PTCHD4: variants seen among roughly 807,000 people sequenced by gnomAD.
PTCHD4 encodes patched domain-containing protein 4.
PTCHD4 carries 33 observed loss-of-function variants against 58.1 expected under a neutral mutation model. The observed-to-expected ratio is 0.57, with a 90% CI of 0.43 to 0.76. PTCHD4 has a LOEUF of 0.76. Ranked by LOEUF, PTCHD4 falls within the 30% of genes least tolerant of loss-of-function variation. PTCHD4 has a pLI of 0.00. For synonymous variants in PTCHD4, 478 were observed against 409.6 expected, an observed-to-expected ratio of 1.17 and a Z score of -2.02; for missense variants, 1,058 against 1,027.1, an observed-to-expected ratio of 1.03 and a Z score of -0.41.
At chr6:47,922,615 C>T (rs189042712) in intron 4 of PTCHD4, among the ~76,000 whole-genome samples, 1 of 152,224 alleles carries the variant, frequency 6.6e-6, no homozygotes, top group South Asian at 2.1e-4. Flanking sequence ...CAAGTGGAAT[C>T]TGGGCTGGAT....
intron 4 of PTCHD4, among the ~76,000 whole-genome samples, chr6:47,925,214 C>T (rs900591405): frequency 2.0e-5 from 3 of 149,364 alleles, no homozygotes; most frequent in Non-Finnish European, 3.0e-5. Flanking sequence ...TATGTATATG[C>T]TTTTTGTTAC....
chr6:47,988,218 G>A (rs965198926), intron 4 of PTCHD4, among the ~76,000 whole-genome samples: 1 of 152,194 alleles, frequency 6.6e-6, no homozygotes, highest in African/African-American at 2.4e-5. Context: ...CTAAAGCTGT[G>A]ACTAGATTTG....
intron 1 of PTCHD4, among the ~76,000 whole-genome samples, chr6:48,100,203 T>C (rs1427822951): frequency 1.3e-5 from 2 of 152,218 alleles, no homozygotes; most frequent in African/African-American, 4.8e-5. Flanking sequence ...GAACTGCATC[T>C]AGATACTTAA....
At chr6:47,941,855 T>C (rs1766239747) in intron 4 of PTCHD4, among the ~76,000 whole-genome samples, 1 of 152,274 alleles carries the variant, frequency 6.6e-6, no homozygotes, top group South Asian at 2.1e-4. Context: ...TTAAAAGAAA[T>C]ACACATTTTG....
intron 4 of PTCHD4, among the ~76,000 whole-genome samples, chr6:47,964,811 T>G (rs1284974714): frequency 3.9e-5 from 6 of 152,200 alleles, no homozygotes; most frequent in South Asian, 2.1e-4. Flanking sequence ...GTAATTACTT[T>G]GCAATAATTA....
intron 4 of PTCHD4, among the ~76,000 whole-genome samples, chr6:47,995,084 C>T (rs929421324): frequency 2.6e-5 from 4 of 151,966 alleles, no homozygotes; most frequent in African/African-American, 4.8e-5. Context: ...TTCATTTGAC[C>T]TGTTTATTGA....
chr6:48,002,628 A>G (rs1768778464), intron 4 of PTCHD4, among the ~76,000 whole-genome samples: 1 of 149,562 alleles, frequency 6.7e-6, no homozygotes, highest in African/African-American at 2.5e-5. Flanking sequence ...GGTAGGGGGG[A>G]GGGATAGCAT....
rs567797111 is a variant in PTCHD4, at chr6:48,024,736, T to C, written c.418-15622A>G. Among the ~76,000 whole-genome samples, 3 of 152,098 alleles carry C rather than the reference T, an allele frequency of 2.0e-5. No homozygotes were observed. The South Asian group carries it at 6.2e-4, about 32-fold the overall frequency. Reference sequence around the variant, plus strand: ...CCATAGTGGAAAGAGTGCCTGAAGCTTTGTGGCGTTCTCTGCAGGCAAGAT... The same window carrying C: ...CCATAGTGGAAAGAGTGCCTGAAGCCTTGTGGCGTTCTCTGCAGGCAAGAT... On this transcript the variant is annotated intron_variant, in intron 3 of 4. Coordinates refer to ENST00000339488, the MANE Select transcript of PTCHD4 (RefSeq NM_001384253.1).
At chr6:48,030,837 T>G (rs1763412431) in intron 3 of PTCHD4, among the ~76,000 whole-genome samples, 2 of 152,150 alleles carry the variant, frequency 1.3e-5, no homozygotes, top group Admixed American at 1.3e-4. Flanking sequence ...CTATTAATCT[T>G]TGTTTTTCTT....
At position 48,009,000 on chromosome 6, in the gene PTCHD4, T is replaced by A; in HGVS notation, c.532A>T (p.Thr178Ser). The change falls in exon 4 of 5, where the codon ACC (threonine) becomes TCC (serine). Residue 178 changes from threonine to serine, a missense_variant. By Grantham distance (58) the Thr-to-Ser change is moderately conservative. Coordinates refer to ENST00000339488, the MANE Select transcript of PTCHD4 (RefSeq NM_001384253.1). ...AGGTCTTGGGTGGCAGAGCCATAGGTCTGGAGGTAGTAGGTGATTTGAATG... is the reference window on the plus strand; with the variant it reads ...AGGTCTTGGGTGGCAGAGCCATAGGACTGGAGGTAGTAGGTGATTTGAATG... ...RAIQITYYLQ[T>S]YGSATQDLIG... 6.2e-7 allele frequency: 1 copy of A among 1,613,902 alleles called. No homozygotes were observed. The highest frequency in any genetic ancestry group is 8.5e-7 in the Non-Finnish European group (1 of 1,179,864).
Position 47,866,408 on chromosome 6 carries a change from A to G in PTCHD4, c.*11895T>C, listed in dbSNP as rs1403374211. On this transcript the variant is annotated 3_prime_UTR_variant, in exon 5 of 5. Coordinates refer to ENST00000339488, the MANE Select transcript of PTCHD4 (RefSeq NM_001384253.1). ...TTTAAACATCTCTCTAGGTCATTCC[A>G]AAGTACAGCAAATTTTGAGAACCAC... Among the ~76,000 whole-genome samples, 1 of 151,856 alleles carries G rather than the reference A, an allele frequency of 6.6e-6. No individual in the cohort carries two copies. Among genetic ancestry groups the G allele is most frequent in the Non-Finnish European group, 1.5e-5 (1 of 67,856 alleles).
At chr6:47,926,832 T>C (rs1292616376) in intron 4 of PTCHD4, among the ~76,000 whole-genome samples, 1 of 152,224 alleles carries the variant, frequency 6.6e-6, no homozygotes, top group Non-Finnish European at 1.5e-5. Context: ...AAGGTTATAC[T>C]GTATATCTAA....
chr6:47,965,387 T>G (rs1767247513), intron 4 of PTCHD4, among the ~76,000 whole-genome samples: 1 of 152,216 alleles, frequency 6.6e-6, no homozygotes, highest in Admixed American at 6.5e-5. Context: ...CATCTGTGTA[T>G]TTTTTAAAAG....
In PTCHD4 at chr6:47,879,225, C is replaced by T; in HGVS notation, c.1610G>A (p.Arg537Lys). ...WNSSVQDDLR[R>K]LCSGFTAVSW... ...CACTGCAGTGAATCCACTACAGAGT[C>T]TTCTTAGGTCATCCTGGACGCTGCT... is the stretch of plus-strand genomic sequence containing the variant. The change falls in exon 5 of 5, where the codon AGA (arginine) becomes AAA (lysine). Residue 537 changes from arginine (R) to lysine (K), a missense_variant. Coordinates refer to ENST00000339488, the MANE Select transcript of PTCHD4 (RefSeq NM_001384253.1). The T allele has an allele frequency of 1.9e-6, 3 of 1,613,006 alleles. No individual in the cohort carries two copies. Among genetic ancestry groups the T allele is most frequent in the Non-Finnish European group, 2.5e-6 (3 of 1,179,602 alleles).
intron 4 of PTCHD4, among the ~76,000 whole-genome samples, chr6:47,925,639 T>A (rs1765586307): frequency 1.3e-5 from 2 of 152,202 alleles, no homozygotes; most frequent in African/African-American, 2.4e-5. Flanking sequence ...ATCTCACACA[T>A]GACCTGTGAT....
At chr6:48,066,801 GA>G (rs369916772) in intron 3 of PTCHD4, among the ~76,000 whole-genome samples, 24,123 of 132,942 alleles carry the variant, frequency 0.18, 1,962 homozygotes, top group African/African-American at 0.23. Context: ...ACCATGTTAA[GA>G]AAAAAAAAAA....
intron 3 of PTCHD4, among the ~76,000 whole-genome samples, chr6:48,044,396 A>T (rs1763959472): frequency 6.6e-6 from 1 of 151,892 alleles, no homozygotes. Context: ...CTTCCAGTCG[A>T]AGTGCAGTTG....
At chr6:48,092,173 C>T (rs1252943641) in intron 1 of PTCHD4, among the ~76,000 whole-genome samples, 3 of 152,124 alleles carry the variant, frequency 2.0e-5, no homozygotes, top group Non-Finnish European at 4.4e-5. Flanking sequence ...CTAATTTTCC[C>T]ATTCCATATT....
At chr6:48,052,495 C>T (rs553485606) in intron 3 of PTCHD4, among the ~76,000 whole-genome samples, 64 of 152,008 alleles carry the variant, frequency 4.2e-4, no homozygotes, top group African/African-American at 1.3e-3. Context: ...TTAGATATAA[C>T]AGAGCTCCCT....
Sources: allele counts gnomAD v4.1 joint callset (sites outside exome capture counted in the v4.1 genomes callset), GRCh38; gene constraint gnomAD v4.1.1; transcripts MANE v1.5; gene names NCBI Gene and HGNC (gene_info 2026-07-23, HGNC 2026-07-21).